CNTNAP3: variants seen among roughly 807,000 people sequenced by gnomAD.
CNTNAP3 encodes contactin-associated protein-like 3.
Under a neutral mutation model 92.1 loss-of-function variants are expected in CNTNAP3, and 36 were observed. That is an observed-to-expected ratio of 0.39 (90% CI 0.30 to 0.52). The LOEUF (loss-of-function observed/expected upper bound fraction) is 0.52. CNTNAP3 is among the 20% of genes least tolerant of loss of function. The pLI is 0.76. For missense variants in CNTNAP3, 534 were observed against 1,069.6 expected (o/e 0.50, Z 6.98); for synonymous variants, 232 against 422.3 (o/e 0.55, Z 5.53).
At chr9:39,133,466 CT>C (rs544312337) in intron 12 of CNTNAP3, among the ~76,000 whole-genome samples, 147 of 151,342 alleles carry the variant, frequency 9.7e-4, no homozygotes, top group African/African-American at 3.4e-3. Context: ...GGACCTTTAT[CT>C]TTTTAAACTC....
intron 9 of CNTNAP3, chr9:39,159,436 C>T (rs2118186073): frequency 1.5e-5 from 2 of 132,104 alleles, no homozygotes; most frequent in East Asian, 2.2e-4. Flanking sequence ...GATTATCCTG[C>T]CTCAGCCTCC....
chr9:39,074,686 T>C (rs1188831026), intron 23 of CNTNAP3, among the ~76,000 whole-genome samples: 1 of 152,224 alleles, frequency 6.6e-6, no homozygotes, highest in Admixed American at 6.5e-5. Context: ...GTTTGCATCA[T>C]CATAGATCAT....
In CNTNAP3 at chr9:39,068,591, CTT is replaced by C. The variant is rs1825564858; in HGVS notation, c.*5297_*5298del. Among the ~76,000 whole-genome samples the C allele has an allele frequency of 6.6e-6, 1 of 151,340 alleles. No individual in the cohort carries two copies. Among genetic ancestry groups the C allele is most frequent in the Admixed American group, 6.6e-5 (1 of 15,146 alleles). On this transcript the variant is annotated 3_prime_UTR_variant, in exon 24 of 24. Coordinates refer to ENST00000297668, the MANE Select transcript of CNTNAP3 (RefSeq NM_033655.5). ...CCCTTGCCTCAGGTAGTTTCATGCA[CTT>C]TGTTACACACTGAAGGGCGACCCTC...
intron 3 of CNTNAP3, among the ~76,000 whole-genome samples, chr9:39,207,522 C>CT (rs1822577498): frequency 7.6e-5 from 1 of 13,166 alleles, no homozygotes; most frequent in Non-Finnish European, 1.7e-4. Context: ...AAAAATAGAA[C>CT]TATCATATGA....
In CNTNAP3 at chr9:39,071,236, A is replaced by G. The variant is rs1825629368; in HGVS notation, c.*2654T>C. 6.9e-6 allele frequency among the ~76,000 whole-genome samples: 1 copy of G among 145,194 alleles called. No individual in the cohort carries two copies. The highest frequency in any genetic ancestry group is 2.8e-5 in the African/African-American group (1 of 35,656). On this transcript the variant is annotated 3_prime_UTR_variant, in exon 24 of 24. Coordinates refer to ENST00000297668, the MANE Select transcript of CNTNAP3 (RefSeq NM_033655.5). ...TTTTCACAGTAATAGAGACAGAGTA[A>G]TAGAGACACGGGGTAGAATATGTCA...
At chr9:39,109,024 G>C (rs909374586) in intron 15 of CNTNAP3, 136 bp downstream of exon 15, 495 of 1,361,986 alleles carry the variant, frequency 3.6e-4, no homozygotes, top group Non-Finnish European at 4.7e-4. Context: ...TTTATGGTAT[G>C]TGTGTTTTCC....
intron 21 of CNTNAP3, among the ~76,000 whole-genome samples, chr9:39,081,362 C>A (rs896520954): frequency 6.6e-6 from 1 of 151,772 alleles, no homozygotes; most frequent in African/African-American, 2.4e-5. Context: ...TAGCTCTAAT[C>A]AAAAATGTAT....
At chr9:39,077,388 C>G (rs1825805846) in intron 23 of CNTNAP3, among the ~76,000 whole-genome samples, 3 of 151,926 alleles carry the variant, frequency 2.0e-5, no homozygotes, top group African/African-American at 7.3e-5. Context: ...GAAACCCCGC[C>G]TCTACTAAAA....
chr9:39,120,943 G>A (rs1007859438), intron 13 of CNTNAP3, among the ~76,000 whole-genome samples: 4 of 152,168 alleles, frequency 2.6e-5, no homozygotes, highest in African/African-American at 9.6e-5. Context: ...ATATTTAGAA[G>A]TGGGGAAGAT....
chr9:39,143,229 G>A (rs1821618905), intron 11 of CNTNAP3, among the ~76,000 whole-genome samples: 1 of 150,904 alleles, frequency 6.6e-6, no homozygotes, highest in African/African-American at 2.4e-5. Context: ...CAGTTGAGAA[G>A]TGTTAGAATA....
intron 20 of CNTNAP3, 165 bp downstream of exon 20, chr9:39,086,551 C>T: frequency 1.2e-6 from 1 of 856,058 alleles, no homozygotes; most frequent in Non-Finnish European, 1.7e-6. Context: ...TAAACAACCA[C>T]CTCCTCTCTC....
intron 13 of CNTNAP3, among the ~76,000 whole-genome samples, chr9:39,120,635 A>G (rs1055449833): frequency 6.6e-6 from 1 of 152,294 alleles, no homozygotes; most frequent in South Asian, 2.1e-4. Context: ...GTGCCACTGC[A>G]CTCCAACCTG....
chr9:39,205,290 G>A (rs901548779), intron 3 of CNTNAP3, among the ~76,000 whole-genome samples: 144 of 3,668 alleles, frequency 0.039, 16 homozygotes, highest in South Asian at 0.28. Flanking sequence ...TTAGCCTCTC[G>A]AGTAGCTGGG....
At chr9:39,137,114 C>T (rs1323103611) in intron 12 of CNTNAP3, among the ~76,000 whole-genome samples, 3 of 151,624 alleles carry the variant, frequency 2.0e-5, no homozygotes, top group Admixed American at 6.6e-5. Flanking sequence ...TCTCTTTACA[C>T]GTATGTTACA....
intron 23 of CNTNAP3, among the ~76,000 whole-genome samples, chr9:39,076,546 C>T (rs1825769460): frequency 6.6e-6 from 1 of 152,312 alleles, no homozygotes; most frequent in South Asian, 2.1e-4. Context: ...ATGTGAATAT[C>T]CTCAACTGAA....
intron 11 of CNTNAP3, among the ~76,000 whole-genome samples, chr9:39,143,649 T>C (rs1199536387): frequency 6.6e-6 from 1 of 152,158 alleles, no homozygotes; most frequent in Non-Finnish European, 1.5e-5. Flanking sequence ...ATTAATACTT[T>C]TACACTTATT....
intron 23 of CNTNAP3, among the ~76,000 whole-genome samples, chr9:39,077,982 G>A (rs1200035815): frequency 6.6e-6 from 1 of 152,156 alleles, no homozygotes; most frequent in Non-Finnish European, 1.5e-5. Context: ...GAGGCGGGCA[G>A]ATCACTTGAG....
chr9:39,112,065 T>C (rs1266658452), intron 14 of CNTNAP3, among the ~76,000 whole-genome samples: 1 of 151,168 alleles, frequency 6.6e-6, no homozygotes, highest in Admixed American at 6.6e-5. Flanking sequence ...TTCTAAAGCT[T>C]ATACTATAGT....
At chr9:39,088,148 A>G (rs554499134) in intron 19 of CNTNAP3, among the ~76,000 whole-genome samples, 2 of 152,180 alleles carry the variant, frequency 1.3e-5, no homozygotes, top group East Asian at 3.9e-4. Flanking sequence ...GTCATCATGT[A>G]CTATTAAAGT....
Sources: gnomAD v4.1 joint callset for allele counts (sites outside exome capture counted in the v4.1 genomes callset) on GRCh38, gnomAD v4.1.1 for gene constraint, MANE v1.5 for transcripts, NCBI Gene and HGNC (gene_info 2026-07-23, HGNC 2026-07-21) for gene names.